GPC5: variants seen among roughly 807,000 people sequenced by gnomAD.
GPC5 encodes the protein glypican-5.
Under a neutral mutation model 53.9 loss-of-function variants are expected in GPC5, and 47 were observed. That is an observed-to-expected ratio of 0.87 (90% CI 0.69 to 1.11). The LOEUF is 1.11. Ranked by LOEUF, GPC5 falls within the 50% of genes most tolerant of loss-of-function variation. GPC5 has a pLI of 0.00. For synonymous variants in GPC5, 286 were observed against 263.3 expected, an observed-to-expected ratio of 1.09 and a Z score of -0.84; for missense variants, 748 against 713.1, an observed-to-expected ratio of 1.05 and a Z score of -0.56.
chr13:92,647,281 C>G (rs966085455), intron 7 of GPC5, among the ~76,000 whole-genome samples: 3 of 152,060 alleles, frequency 2.0e-5, no homozygotes, highest in African/African-American at 7.2e-5. Context: ...CCTTATCTTT[C>G]TGATTTGCTA....
At chr13:91,824,756 A>G (rs1005047543) in intron 5 of GPC5, among the ~76,000 whole-genome samples, 4 of 152,198 alleles carry the variant, frequency 2.6e-5, no homozygotes, top group Non-Finnish European at 4.4e-5. Context: ...CACATCTGGC[A>G]TAAGTATATC....
chr13:92,568,980 G>T (rs1566297983), intron 7 of GPC5, among the ~76,000 whole-genome samples: 1 of 151,512 alleles, frequency 6.6e-6, no homozygotes, highest in Admixed American at 6.6e-5. Flanking sequence ...ACAATTTGCA[G>T]GTTAGTTACA....
At chr13:92,480,002 G>C (rs569669348) in intron 7 of GPC5, among the ~76,000 whole-genome samples, 71 of 152,204 alleles carry the variant, frequency 4.7e-4, no homozygotes, top group African/African-American at 1.6e-3. Flanking sequence ...AGAATACAAA[G>C]TGGGCCAGGC....
At chr13:92,484,415 G>A (rs556089324) in intron 7 of GPC5, among the ~76,000 whole-genome samples, 1 of 152,274 alleles carries the variant, frequency 6.6e-6, no homozygotes, top group East Asian at 1.9e-4. Flanking sequence ...GCTTAGTCAT[G>A]TATTATCATT....
intron 7 of GPC5, among the ~76,000 whole-genome samples, chr13:92,605,599 T>TTTTTTTG: frequency 1.3e-5 from 2 of 151,192 alleles, no homozygotes; most frequent in African/African-American, 4.9e-5. Context: ...TTTTATTTTT[T>TTTTTTTG]TGAGACGGAG....
At chr13:91,429,788 A>G (rs1448590891) in intron 1 of GPC5, among the ~76,000 whole-genome samples, 1 of 152,200 alleles carries the variant, frequency 6.6e-6, no homozygotes, top group Admixed American at 6.5e-5. Context: ...TCCTGATTCA[A>G]CTTGTTTGGG....
chr13:92,149,423 A>T (rs1308112195), intron 7 of GPC5, among the ~76,000 whole-genome samples: 1 of 152,082 alleles, frequency 6.6e-6, no homozygotes, highest in Non-Finnish European at 1.5e-5. Context: ...AAATAGTAGG[A>T]TAATACATTG....
intron 7 of GPC5, among the ~76,000 whole-genome samples, chr13:92,510,541 T>A (rs1344636965): frequency 6.6e-6 from 1 of 152,212 alleles, no homozygotes; most frequent in African/African-American, 2.4e-5. Context: ...TCAATTGCAA[T>A]GTTGACTATT....
chr13:92,389,921 A>G (rs1157442728), intron 7 of GPC5, among the ~76,000 whole-genome samples: 1 of 152,186 alleles, frequency 6.6e-6, no homozygotes, highest in African/African-American at 2.4e-5. Flanking sequence ...AACAGGTAAA[A>G]TTCTGTAATT....
At chr13:92,108,750 T>G (rs777059027) in intron 6 of GPC5, among the ~76,000 whole-genome samples, 1 of 152,160 alleles carries the variant, frequency 6.6e-6, no homozygotes, top group South Asian at 2.1e-4. Flanking sequence ...TTGGATCTCC[T>G]CTTGAACTTT....
intron 2 of GPC5, among the ~76,000 whole-genome samples, chr13:91,581,886 G>T (rs1037834783): frequency 6.6e-6 from 1 of 152,034 alleles, no homozygotes; most frequent in Non-Finnish European, 1.5e-5. Flanking sequence ...GAACAGTTAG[G>T]AAATCTCCAA....
intron 2 of GPC5, among the ~76,000 whole-genome samples, chr13:91,588,401 T>G (rs1158225917): frequency 6.6e-6 from 1 of 152,108 alleles, no homozygotes; most frequent in Non-Finnish European, 1.5e-5. Context: ...TAAGTGGCTT[T>G]GGGAGAGTTC....
chr13:91,830,282 C>T (rs922336815), intron 5 of GPC5, among the ~76,000 whole-genome samples: 6 of 152,062 alleles, frequency 3.9e-5, no homozygotes, highest in Admixed American at 6.6e-5. Context: ...CCCAGCTCAC[C>T]GGCAGTCAGA....
At chr13:91,842,128 A>G (rs1466759083) in intron 5 of GPC5, among the ~76,000 whole-genome samples, 1 of 152,078 alleles carries the variant, frequency 6.6e-6, no homozygotes, top group Non-Finnish European at 1.5e-5. Context: ...CTACCATTCA[A>G]GAAGGGTTTC....
At chr13:91,769,046 A>T (rs1257349691) in intron 5 of GPC5, among the ~76,000 whole-genome samples, 1 of 152,150 alleles carries the variant, frequency 6.6e-6, no homozygotes, top group African/African-American at 2.4e-5. Flanking sequence ...AAAGCAACTT[A>T]TTTTAAGGAA....
intron 7 of GPC5, among the ~76,000 whole-genome samples, chr13:92,600,551 GCAATGGCATGATCT>G (rs1406764920): frequency 6.6e-6 from 1 of 151,854 alleles, no homozygotes; most frequent in Non-Finnish European, 1.5e-5. Context: ...AGGCTAGAGT[GCAATGGCATGATCT>G]CAGCTCACTG....
intron 7 of GPC5, among the ~76,000 whole-genome samples, chr13:92,639,234 C>T (rs975529764): frequency 2.6e-5 from 4 of 152,110 alleles, no homozygotes; most frequent in Non-Finnish European, 4.4e-5. Context: ...CAATGATGAA[C>T]ATTAGATCAC....
At chr13:92,042,046 A>C (rs1029604211) in intron 6 of GPC5, among the ~76,000 whole-genome samples, 1 of 152,148 alleles carries the variant, frequency 6.6e-6, no homozygotes, top group African/African-American at 2.4e-5. Context: ...AGCAGCTGGG[A>C]TAGGTATGCA....
chr13:92,668,633 A>C (rs112278870), intron 7 of GPC5, among the ~76,000 whole-genome samples: 2,569 of 152,212 alleles, frequency 0.017, 37 homozygotes, highest in Middle Eastern at 0.041. Flanking sequence ...TTTTCATAGA[A>C]AAGTACTACT....
Sources: gnomAD v4.1 joint callset for allele counts (sites outside exome capture counted in the v4.1 genomes callset) on GRCh38, gnomAD v4.1.1 for gene constraint, MANE v1.5 for transcripts, NCBI Gene and HGNC (gene_info 2026-07-23, HGNC 2026-07-21) for gene names.